The following ADGRG4 variants were observed in gnomAD, a reference collection of about 807,000 sequenced individuals.
ADGRG4 encodes the protein adhesion G protein-coupled receptor G4, also known as G protein-coupled receptor 112.
Under a neutral mutation model 126.2 loss-of-function variants are expected in ADGRG4, and 122 were observed. The observed-to-expected ratio is 0.97, with a 90% CI of 0.83 to 1.12. The LOEUF (loss-of-function observed/expected upper bound fraction) is 1.12. Among genes scored for constraint, ADGRG4 ranks in the 50% most tolerant of loss-of-function variants. The pLI is 0.00. For synonymous variants in ADGRG4, 943 were observed against 838.7 expected, an observed-to-expected ratio of 1.12 and a Z score of -2.15; for missense variants, 2,481 against 2,251.8, an observed-to-expected ratio of 1.10 and a Z score of -2.06.
At chrX:136,377,203 T>G (rs2075233145) in intron 15 of ADGRG4, among the ~76,000 whole-genome samples, 1 of 99,387 alleles carries the variant, frequency 1.0e-5, no homozygotes, top group East Asian at 3.0e-4. Context: ...TTGTTGTTGT[T>G]GTTGTTTGAG....
At chrX:136,387,674 A>T in intron 15 of ADGRG4, 66 bp from the exon 16 acceptor site, 1 of 1,039,444 alleles carries the variant, frequency 9.6e-7, no homozygotes, top group African/African-American at 1.9e-5. Context: ...CTGGGGTGGG[A>T]GGTGGGCAGG....
intron 23 of ADGRG4, among the ~76,000 whole-genome samples, chrX:136,410,285 C>T (rs1693121610): frequency 9.0e-6 from 1 of 111,414 alleles, no homozygotes; most frequent in African/African-American, 3.3e-5. Context: ...ACTCTTTCAG[C>T]TTTTTTTCAC....
chrX:136,393,610 T>A, intron 18 of ADGRG4, 30 bp downstream of exon 18: 1 of 1,126,106 alleles, frequency 8.9e-7, no homozygotes, highest in East Asian at 3.0e-5. Context: ...ACTTTGACTT[T>A]GCCCCAGACC....
rs1485077957 is a variant in ADGRG4 at position 136,416,532 on chromosome X, C to T, written c.*41C>T. The T allele has an allele frequency of 5.7e-6, 6 of 1,051,961 alleles. No individual in the cohort carries two copies. Among genetic ancestry groups the T allele is most frequent in the Middle Eastern group, 2.5e-4 (1 of 3,978 alleles). The allele number at this position is 1,051,961 out of a possible 1,213,427, so 86.7% of individuals were successfully genotyped here. ...CTAATTATGTAAAAAGAATATAATACCTGTGGAAATAAAAATGAATTCCAA... is the reference window on the plus strand; with the variant it reads ...CTAATTATGTAAAAAGAATATAATATCTGTGGAAATAAAAATGAATTCCAA... On this transcript the variant is annotated 3_prime_UTR_variant, in exon 26 of 26. Coordinates refer to ENST00000394143, the MANE Select transcript of ADGRG4 (RefSeq NM_153834.4).
rs370435678 is a variant in ADGRG4 at position 136,351,513 on chromosome X, G to C, written c.6794G>C (p.Ser2265Thr). Reference sequence around the variant, plus strand: ...GAAGAGCCAAGGATCCCTATTACCAGTGTTATAAATGAATTTACGGAAAAT... The same window carrying C: ...GAAGAGCCAAGGATCCCTATTACCACTGTTATAAATGAATTTACGGAAAAT... ...FVEEPRIPITSVINEFTENSL... is the reference protein window; with the variant it reads ...FVEEPRIPITTVINEFTENSL... The change falls in exon 7 of 26, where the codon AGT becomes ACT. Residue 2265 changes from serine to threonine, a missense_variant. Transcript: ENST00000394143. 3.5e-6 allele frequency: 4 copies of C among 1,137,161 alleles called. No homozygotes were observed. The African/African-American group carries it at 5.5e-5, about 16-fold the overall frequency. The allele number at this position is 1,137,161 out of a possible 1,213,427, so 93.7% of individuals were successfully genotyped here.
chrX:136,307,840 T>C (rs1038902788), intron 3 of ADGRG4, among the ~76,000 whole-genome samples: 8 of 112,605 alleles, frequency 7.1e-5, no homozygotes, highest in Admixed American at 2.8e-4. Context: ...CCATTTTGTT[T>C]GGAGAAAAGA....
intron 5 of ADGRG4, among the ~76,000 whole-genome samples, chrX:136,334,266 ATG>A (rs1381904564): frequency 9.0e-6 from 1 of 110,687 alleles, no homozygotes; most frequent in Non-Finnish European, 1.9e-5. Flanking sequence ...GCAAATTTTT[ATG>A]TGTCTATTTC....
At chrX:136,374,113 G>A (rs1342820218) in intron 15 of ADGRG4, among the ~76,000 whole-genome samples, 2 of 111,039 alleles carry the variant, frequency 1.8e-5, no homozygotes, top group Non-Finnish European at 3.8e-5. Context: ...TTATATAAAT[G>A]AAATCTTATA....
In ADGRG4 at chrX:136,348,780, C is replaced by A. The variant is rs1448707107; in HGVS notation, c.5074C>A (p.Pro1692Thr). 1 of 1,208,945 alleles carries A rather than the reference C, an allele frequency of 8.3e-7. No individual in the cohort carries two copies. Among genetic ancestry groups the A allele is most frequent in the Non-Finnish European group, 1.1e-6 (1 of 894,262 alleles). Reference protein sequence around the residue: ...SKSTGAISSIPKTTFSPFLSA... With the variant: ...SKSTGAISSITKTTFSPFLSA... The stretch of plus-strand genomic sequence containing the variant: ...GAGCACTGGAGCTATTTCCTCCATT[C>A]CAAAGACCACATTTTCACCATTTCT... Residue 1692 changes from proline (P) to threonine (T), a missense_variant, in exon 6 of 26, where the codon CCA (proline) becomes ACA (threonine). By Grantham distance (38) the Pro-to-Thr change is conservative. Coordinates refer to ENST00000394143, the MANE Select transcript of ADGRG4 (RefSeq NM_153834.4).
chrX:136,411,586 G>A (rs372672818), intron 23 of ADGRG4, among the ~76,000 whole-genome samples: 2 of 112,903 alleles, frequency 1.8e-5, no homozygotes, highest in East Asian at 5.6e-4. Flanking sequence ...ATTTTTACCA[G>A]CCTAAAACAA....
intron 13 of ADGRG4, among the ~76,000 whole-genome samples, chrX:136,364,267 T>C (rs1332571461): frequency 9.0e-6 from 1 of 111,510 alleles, no homozygotes; most frequent in African/African-American, 3.3e-5. Flanking sequence ...TCAGTTACTA[T>C]CCACAGAGAT....
chrX:136,369,477 G>C (rs769629188), intron 13 of ADGRG4, among the ~76,000 whole-genome samples: 11 of 111,691 alleles, frequency 9.8e-5, no homozygotes, highest in Non-Finnish European at 1.7e-4. Flanking sequence ...CAACTCCAGA[G>C]AAAAAGTCTA....
chrX:136,368,808 AT>A (rs1213039268), intron 13 of ADGRG4, among the ~76,000 whole-genome samples: 1 of 112,655 alleles, frequency 8.9e-6, no homozygotes, highest in African/African-American at 3.2e-5. Flanking sequence ...TTAAAATATA[AT>A]TTATGCAATT....
intron 4 of ADGRG4, among the ~76,000 whole-genome samples, chrX:136,311,943 C>A (rs2074774681): frequency 9.0e-6 from 1 of 111,332 alleles, no homozygotes; most frequent in Admixed American, 9.6e-5. Flanking sequence ...GTGGTCCTCC[C>A]ACCTCAGCCT....
In ADGRG4 at chrX:136,405,881, A is replaced by G. The variant is rs753140750; in HGVS notation, c.8844A>G (p.Leu2948=). ...AAGGCACAATGAGCCTGACATTCTTACTTGGCCTCACCTGGGGGTTTGCAT... is the reference window on the plus strand; with the variant it reads ...AAGGCACAATGAGCCTGACATTCTTGCTTGGCCTCACCTGGGGGTTTGCAT... ...DLKGTMSLTF[L]LGLTWGFAFF... Residue 2948 remains leucine, a synonymous_variant, in exon 23 of 26, where the codon TTA becomes TTG. Transcript: ENST00000394143. 1.7e-6 allele frequency: 2 copies of G among 1,200,629 alleles called. No homozygotes were observed. Among genetic ancestry groups the G allele is most frequent in the South Asian group, 3.7e-5 (2 of 54,492 alleles).
intron 5 of ADGRG4, among the ~76,000 whole-genome samples, chrX:136,343,059 A>T (rs1488205209): frequency 9.1e-6 from 1 of 110,025 alleles, no homozygotes; most frequent in Non-Finnish European, 1.9e-5. Flanking sequence ...CAAGTGAAAG[A>T]TGATGGTGAC....
At chrX:136,396,584 G>C (rs1401689043) in intron 19 of ADGRG4, among the ~76,000 whole-genome samples, 1 of 84,581 alleles carries the variant, frequency 1.2e-5, no homozygotes, top group Non-Finnish European at 2.3e-5. Flanking sequence ...AAAAGAGTGA[G>C]AACCTGTCCC....
chrX:136,341,475 C>A, intron 5 of ADGRG4, among the ~76,000 whole-genome samples: 2 of 111,873 alleles, frequency 1.8e-5, no homozygotes. Context: ...GTTTGCTAAG[C>A]CAGTTGGCTG....
intron 13 of ADGRG4, among the ~76,000 whole-genome samples, chrX:136,366,523 T>C (rs2075159483): frequency 8.9e-6 from 1 of 112,344 alleles, no homozygotes; most frequent in Non-Finnish European, 1.9e-5. Context: ...TGTATAGATG[T>C]TAAGTGTTCA....
Sources: gnomAD v4.1 joint callset for allele counts (sites outside exome capture counted in the v4.1 genomes callset) on GRCh38, gnomAD v4.1.1 for gene constraint, MANE v1.5 for transcripts, NCBI Gene and HGNC (gene_info 2026-07-23, HGNC 2026-07-21) for gene names.